Variants in TMEM67 observed in about 807,000 individuals in gnomAD.
TMEM67 encodes meckelin.
In TMEM67, 124 loss-of-function variants were observed where a neutral mutation model predicts 136.6. The ratio of observed to expected loss-of-function variants is 0.91; its 90% CI spans 0.78 to 1.05. The LOEUF is 1.05. TMEM67 is among the 50% of genes least tolerant of loss of function. The pLI is 0.00. For synonymous variants in TMEM67, 364 were observed against 390.5 expected (o/e 0.93, Z 0.80); for missense variants, 1,107 against 1,178.4 (o/e 0.94, Z 0.89).
At chr8:93,765,142 C>T (rs983115370) in intron 4 of TMEM67, among the ~76,000 whole-genome samples, 1 of 152,098 alleles carries the variant, frequency 6.6e-6, no homozygotes, top group Admixed American at 6.6e-5. Context: ...AATTATCTTT[C>T]ATACTCAGAA....
chr8:93,773,537 A>G (rs1049326804), intron 7 of TMEM67, among the ~76,000 whole-genome samples: 1 of 152,190 alleles, frequency 6.6e-6, no homozygotes, highest in Non-Finnish European at 1.5e-5. Context: ...AAATGAGAGA[A>G]GCATTTACCT....
In TMEM67 at chr8:93,799,120, G is replaced by C. The variant is rs1315162487; in HGVS notation, c.2101-498G>C. The stretch of plus-strand genomic sequence containing the variant: ...TTCTCAGAGCCTTTATTCTACAAGG[G>C]TGGGAGGCATGGAGGTGAGTGTAAT... On this transcript the variant is annotated intron_variant, in intron 20 of 27. Coordinates refer to ENST00000453321, the MANE Select transcript of TMEM67 (RefSeq NM_153704.6). Among the ~76,000 whole-genome samples the C allele has an allele frequency of 2.6e-5, 4 of 152,126 alleles. No individual in the cohort carries two copies. The East Asian group carries it at 7.7e-4, about 29-fold the overall frequency.
intron 2 of TMEM67, 75 bp downstream of exon 2, chr8:93,755,941 A>G: frequency 3.5e-6 from 3 of 867,192 alleles, no homozygotes; most frequent in Admixed American, 2.2e-5. Flanking sequence ...TCAAAATATA[A>G]TTTAATGTTT....
At chr8:93,764,059 A>G (rs1812970173) in intron 4 of TMEM67, 118 bp downstream of exon 4, 1 of 753,398 alleles carries the variant, frequency 1.3e-6, no homozygotes, top group Admixed American at 2.1e-5. Context: ...CCAAGGAAGG[A>G]TAGAAGTAGA....
In TMEM67 at chr8:93,758,891, G is replaced by A. The variant is rs578121627; in HGVS notation, c.406+315G>A. 2.5e-4 allele frequency: 70 copies of A among 275,474 alleles called. 1 individual carries two copies. The South Asian group carries it at 4.5e-3, about 18-fold the overall frequency. The allele number at this position is 275,474 out of a possible 1,614,324, so 17.1% of individuals were successfully genotyped here. ...TGGGATTATAGGCATCAGTCACTGTGTCCAGCCCTTAATAGTGTTTATAAA... is the reference window on the plus strand; with the variant it reads ...TGGGATTATAGGCATCAGTCACTGTATCCAGCCCTTAATAGTGTTTATAAA... On this transcript the variant is annotated intron_variant, in intron 3 of 27. Coordinates refer to ENST00000453321, the MANE Select transcript of TMEM67 (RefSeq NM_153704.6).
chr8:93,803,977 C>G (rs558182046), intron 22 of TMEM67, among the ~76,000 whole-genome samples: 4 of 151,472 alleles, frequency 2.6e-5, no homozygotes, highest in South Asian at 4.2e-4. Flanking sequence ...CAGGTTCAAG[C>G]AATTCTCATA....
At chr8:93,758,868 G>C in intron 3 of TMEM67, 1 of 328,484 alleles carries the variant, frequency 3.0e-6, no homozygotes, top group Non-Finnish European at 5.7e-6. Flanking sequence ...TAAAGTGCTG[G>C]GATTATAGGC....
intron 3 of TMEM67, chr8:93,758,805 C>T (rs1812692519): frequency 2.0e-6 from 1 of 490,236 alleles, no homozygotes; most frequent in Non-Finnish European, 3.7e-6. Flanking sequence ...CGTTATGTTG[C>T]TCAGCCTGGT....
chr8:93,768,041 T>C (rs1186064593), intron 6 of TMEM67, among the ~76,000 whole-genome samples: 1 of 151,514 alleles, frequency 6.6e-6, no homozygotes, highest in Non-Finnish European at 1.5e-5. Context: ...AATTTTTGTA[T>C]TTTTAGTAGA....
At chr8:93,779,029 A>G (rs552200776) in intron 7 of TMEM67, among the ~76,000 whole-genome samples, 9 of 152,108 alleles carry the variant, frequency 5.9e-5, no homozygotes, top group Non-Finnish European at 1.2e-4. Flanking sequence ...ATAGTCCCAT[A>G]TTTCTTGGAG....
chr8:93,756,986 A>T (rs1812599084), intron 2 of TMEM67: 1 of 152,036 alleles, frequency 6.6e-6, no homozygotes, highest in South Asian at 2.1e-4. Context: ...AGGCAAGAGA[A>T]TCGCTTGAAC....
downstream of TMEM67, among the ~76,000 whole-genome samples, chr8:93,819,903 G>GT (rs1296548419): frequency 7.9e-5 from 12 of 152,126 alleles, no homozygotes; most frequent in Non-Finnish European, 2.9e-5. Context: ...AAGAACTCAG[G>GT]TGGGAGCATA....
intron 23 of TMEM67, among the ~76,000 whole-genome samples, chr8:93,805,310 A>G (rs1207962333): frequency 6.7e-6 from 1 of 149,764 alleles, no homozygotes; most frequent in African/African-American, 2.4e-5. Flanking sequence ...ACTGCCAGGC[A>G]TGGTGGCTCA....
intron 25 of TMEM67, 131 bp downstream of exon 25, chr8:93,809,292 T>A: frequency 2.9e-6 from 2 of 685,394 alleles, no homozygotes; most frequent in Non-Finnish European, 5.3e-6. Flanking sequence ...GACCTTCCCT[T>A]TTTTTGTCTG....
intron 2 of TMEM67, among the ~76,000 whole-genome samples, chr8:93,757,956 C>T (rs950622164): frequency 1.3e-5 from 2 of 152,090 alleles, no homozygotes; most frequent in African/African-American, 2.4e-5. Context: ...GAGGTTTCAC[C>T]ACATTGGCCA....
chr8:93,795,396 T>A lies in TMEM67; in HGVS notation c.1675-13T>A, dbSNP rs144538020. On this transcript the variant is annotated splice_polypyrimidine_tract_variant and intron_variant, in intron 16 of 27. Transcript: ENST00000453321. ...AGTCTTAAACAGCTGTAATTCTTTT[T>A]TTTAAATTGCAGACAGTTGTGAAAT... is the stretch of plus-strand genomic sequence containing the variant. 6 of 1,611,002 alleles carry A rather than the reference T, an allele frequency of 3.7e-6. No individual in the cohort carries two copies. In the African/African-American group the frequency reaches 6.7e-5, roughly 18 times the overall value.
chr8:93,781,120 A>C (rs929103247), intron 9 of TMEM67, 138 bp downstream of exon 9: 5 of 674,644 alleles, frequency 7.4e-6, no homozygotes, highest in African/African-American at 3.6e-5. Flanking sequence ...TCAACAACTC[A>C]TAAGAACTAA....
rs1262990971 is a variant in TMEM67, at chr8:93,817,615, ATAAATATTAT to A, written c.*1165_*1174del. On this transcript the variant is annotated 3_prime_UTR_variant, in exon 28 of 28. Coordinates refer to ENST00000453321, the MANE Select transcript of TMEM67 (RefSeq NM_153704.6). ...GTAAATACTTAAAATGGAATACTGT[ATAAATATTAT>A]TTATATTTTCTCAGATGAAAATATA... 6.6e-6 allele frequency: 1 copy of A among 152,244 alleles called. No homozygotes were observed. Among genetic ancestry groups the A allele is most frequent in the Non-Finnish European group, 1.5e-5 (1 of 68,042 alleles). 9.4% of individuals were successfully genotyped at this position (152,244 alleles called of 1,614,324 possible).
chr8:93,781,849 A>G, intron 10 of TMEM67, 105 bp downstream of exon 10: 3 of 571,898 alleles, frequency 5.2e-6, no homozygotes, highest in Non-Finnish European at 9.0e-6. Context: ...GTTACATACT[A>G]CAGTTGATTT....
Sources: gnomAD v4.1 joint callset for allele counts (sites outside exome capture counted in the v4.1 genomes callset) on GRCh38, gnomAD v4.1.1 for gene constraint, MANE v1.5 for transcripts, NCBI Gene and HGNC (gene_info 2026-07-23, HGNC 2026-07-21) for gene names.